The following TRDN variants were observed in gnomAD, a reference collection of about 807,000 sequenced individuals.
TRDN encodes triadin in skeletal muscle.
Under a neutral mutation model 149.7 loss-of-function variants are expected in TRDN, and 161 were observed. The observed-to-expected ratio is 1.08, with a 90% CI of 0.95 to 1.23. The LOEUF is 1.23. Among genes scored for constraint, TRDN ranks in the 50% most tolerant of loss-of-function variants. The probability of loss-of-function intolerance (pLI) is 0.00; values close to 1 mark genes in which losing one functional copy is unlikely to be tolerated. For synonymous variants in TRDN, 294 were observed against 250.5 expected (o/e 1.17, Z -1.64); for missense variants, 896 against 823.5 (o/e 1.09, Z -1.08).
chr6:123,288,485 G>A (rs1777878965), intron 24 of TRDN, among the ~76,000 whole-genome samples: 1 of 152,014 alleles, frequency 6.6e-6, no homozygotes, highest in South Asian at 2.1e-4. Flanking sequence ...TCATACTTCT[G>A]ATAAAGGGCT....
chr6:123,376,987 A>G (rs967318588), intron 18 of TRDN, among the ~76,000 whole-genome samples: 12 of 152,262 alleles, frequency 7.9e-5, no homozygotes, highest in Non-Finnish European at 1.5e-4. Flanking sequence ...GGAAATATAA[A>G]TGGTTTCAGA....
chr6:123,384,182 A>G (rs1447788032), intron 14 of TRDN, among the ~76,000 whole-genome samples: 2 of 152,216 alleles, frequency 1.3e-5, no homozygotes, highest in Non-Finnish European at 2.9e-5. Context: ...AAAATATGAC[A>G]TAATACAGTT....
intron 1 of TRDN, among the ~76,000 whole-genome samples, chr6:123,621,038 T>A (rs374285164): frequency 7.8e-4 from 119 of 152,210 alleles, no homozygotes; most frequent in African/African-American, 2.8e-3. Context: ...GGACCTTTTT[T>A]GTCCACTGCT....
intron 5 of TRDN, among the ~76,000 whole-genome samples, chr6:123,519,238 T>C (rs557334400): frequency 8.5e-5 from 13 of 152,322 alleles, no homozygotes; most frequent in Non-Finnish European, 1.5e-4. Flanking sequence ...CCCTGATGTC[T>C]GGCATCTGAG....
At chr6:123,413,378 AT>A (rs2114519653) in intron 12 of TRDN, among the ~76,000 whole-genome samples, 1 of 152,326 alleles carries the variant, frequency 6.6e-6, no homozygotes, top group South Asian at 2.1e-4. Context: ...AAACAATCAA[AT>A]TGTTACTTTA....
chr6:123,265,243 G>T, intron 33 of TRDN, 75 bp downstream of exon 33: 1 of 1,140,908 alleles, frequency 8.8e-7, no homozygotes. Flanking sequence ...TTTAACTTCA[G>T]TTATAACTCA....
At chr6:123,555,337 TTTA>T (rs1781590105) in intron 2 of TRDN, among the ~76,000 whole-genome samples, 1 of 152,148 alleles carries the variant, frequency 6.6e-6, no homozygotes, top group Admixed American at 6.5e-5. Flanking sequence ...TATTTTCTGT[TTTA>T]TTTCAAATTG....
intron 23 of TRDN, among the ~76,000 whole-genome samples, chr6:123,331,040 T>C (rs1779642125): frequency 6.6e-6 from 1 of 152,078 alleles, no homozygotes; most frequent in Non-Finnish European, 1.5e-5. Flanking sequence ...AGTACATTAC[T>C]TGGTTTTTAT....
intron 31 of TRDN, 82 bp downstream of exon 31, chr6:123,269,767 T>G (rs757716997): frequency 9.2e-6 from 13 of 1,418,540 alleles, no homozygotes; most frequent in Non-Finnish European, 1.2e-5. Context: ...AAATAACATT[T>G]TTCTTAAAAA....
At chr6:123,404,468 T>G (rs1773111281) in intron 12 of TRDN, among the ~76,000 whole-genome samples, 1 of 152,144 alleles carries the variant, frequency 6.6e-6, no homozygotes, top group East Asian at 1.9e-4. Flanking sequence ...TGTTTTTTTG[T>G]GTTTTGAGAA....
chr6:123,412,859 GA>G (rs1235579249), intron 12 of TRDN, among the ~76,000 whole-genome samples: 5 of 151,828 alleles, frequency 3.3e-5, no homozygotes, highest in African/African-American at 1.2e-4. Context: ...AAAATCATAA[GA>G]AAAAAATAAA....
chr6:123,532,721 T>C (rs1485752579), intron 4 of TRDN, among the ~76,000 whole-genome samples: 4 of 151,998 alleles, frequency 2.6e-5, no homozygotes, highest in African/African-American at 9.6e-5. Flanking sequence ...GACTGATACA[T>C]TGAATTCAAT....
At chr6:123,244,301 GC>G (rs1209280257) in intron 38 of TRDN, among the ~76,000 whole-genome samples, 1 of 152,088 alleles carries the variant, frequency 6.6e-6, no homozygotes, top group Non-Finnish European at 1.5e-5. Flanking sequence ...ACTCTTCCAA[GC>G]TAAAGGAGCA....
In TRDN at chr6:123,221,485, A is replaced by G. The variant is rs758127975; in HGVS notation, c.2050+2T>C. The G allele has an allele frequency of 6.4e-7, 1 of 1,556,414 alleles. No homozygotes were observed. Among genetic ancestry groups the G allele is most frequent in the Admixed American group, 1.7e-5 (1 of 58,258 alleles). ...TTACTTTTAATCTCATTATAAACTT[A>G]CTTTTCTGCTTTGTGGGAGACACAT... On this transcript the variant is annotated splice_donor_variant, in intron 40 of 40. Transcript: ENST00000334268. LOFTEE classifies it high-confidence loss of function.
intron 2 of TRDN, among the ~76,000 whole-genome samples, chr6:123,549,831 T>C (rs1039887073): frequency 6.6e-6 from 1 of 152,030 alleles, no homozygotes; most frequent in Non-Finnish European, 1.5e-5. Context: ...ACAGAATTAA[T>C]AGTAGAAGCT....
chr6:123,570,779 G>T (rs1782532422), intron 2 of TRDN, 144 bp downstream of exon 2: 2 of 675,306 alleles, frequency 3.0e-6, no homozygotes, highest in African/African-American at 1.8e-5. Flanking sequence ...GAATGAAACA[G>T]ATTTCAGTGA....
At chr6:123,461,733 G>A (rs1016982940) in intron 10 of TRDN, among the ~76,000 whole-genome samples, 1 of 152,214 alleles carries the variant, frequency 6.6e-6, no homozygotes, top group African/African-American at 2.4e-5. Context: ...GAGAAATACA[G>A]TTCTTGAGGT....
At chr6:123,379,115 A>G (rs531300097) in intron 16 of TRDN, among the ~76,000 whole-genome samples, 1 of 152,310 alleles carries the variant, frequency 6.6e-6, no homozygotes, top group Admixed American at 6.5e-5. Context: ...AAGATTCTTA[A>G]AGTTTTATTT....
At chr6:123,487,576 CT>C in intron 9 of TRDN, among the ~76,000 whole-genome samples, 1 of 152,184 alleles carries the variant, frequency 6.6e-6, no homozygotes, top group East Asian at 1.9e-4. Context: ...CATTGTTCTG[CT>C]TAAAGTCCTT....
Sources: allele counts gnomAD v4.1 joint callset (sites outside exome capture counted in the v4.1 genomes callset), GRCh38; gene constraint gnomAD v4.1.1; transcripts MANE v1.5; gene names NCBI Gene and HGNC (gene_info 2026-07-23, HGNC 2026-07-21).